Variants in EPHA3 observed in about 807,000 individuals in gnomAD.
EPHA3 encodes the protein EPH receptor A3, also known as ephrin type-A receptor 3.
EPHA3 carries 42 observed loss-of-function variants against 107.1 expected under a neutral mutation model. That is an observed-to-expected ratio of 0.39 (90% confidence interval 0.31 to 0.51). The LOEUF (loss-of-function observed/expected upper bound fraction) is 0.51. EPHA3 is among the 20% of genes least tolerant of loss of function. The pLI is 0.78. For synonymous variants in EPHA3, 461 were observed against 424.8 expected (o/e 1.09, Z -1.05); for missense variants, 1,183 against 1,211.2 (o/e 0.98, Z 0.35).
At chr3:89,184,530 C>T (rs1301690040) in intron 2 of EPHA3, among the ~76,000 whole-genome samples, 3 of 151,912 alleles carry the variant, frequency 2.0e-5, no homozygotes, top group South Asian at 2.1e-4. Context: ...TAGCAGTCAA[C>T]GAATTACTTT....
chr3:89,337,690 AAC>A (rs765913361), intron 3 of EPHA3, among the ~76,000 whole-genome samples: 20 of 152,180 alleles, frequency 1.3e-4, no homozygotes, highest in Non-Finnish European at 2.4e-4. Context: ...TCAGATGTAA[AAC>A]ACACATACAG....
At chr3:89,370,077 A>G (rs1389794454) in intron 5 of EPHA3, among the ~76,000 whole-genome samples, 3 of 150,758 alleles carry the variant, frequency 2.0e-5, no homozygotes, top group Non-Finnish European at 3.0e-5. Context: ...AACTAGTTCA[A>G]CCATTGTGGA....
At chr3:89,431,387 T>A in intron 13 of EPHA3, 28 bp downstream of exon 13, 1 of 1,582,430 alleles carries the variant, frequency 6.3e-7, no homozygotes, top group Non-Finnish European at 8.6e-7. Context: ...TCTCCTTTTT[T>A]ATCATTGTTT....
chr3:89,169,426 T>A (rs1263524278), intron 2 of EPHA3, among the ~76,000 whole-genome samples: 1 of 152,210 alleles, frequency 6.6e-6, no homozygotes, highest in African/African-American at 2.4e-5. Flanking sequence ...CATTCTCTGT[T>A]ACTTATAACC....
intron 5 of EPHA3, among the ~76,000 whole-genome samples, chr3:89,373,639 G>GTGAATGAGTCTCTCCCAGAGGGAACTCA (rs1443377437): frequency 3.3e-5 from 5 of 151,774 alleles, no homozygotes; most frequent in Non-Finnish European, 7.4e-5. Context: ...TCACCCTGCT[G>GTGAATGAGTCTCTCCCAGAGGGAACTCA]TGAATGAGTC....
At chr3:89,249,016 C>T (rs1350290162) in intron 3 of EPHA3, among the ~76,000 whole-genome samples, 3 of 152,188 alleles carry the variant, frequency 2.0e-5, no homozygotes, top group Non-Finnish European at 4.4e-5. Context: ...TATTTGCAAT[C>T]TCCTTTTCCC....
At chr3:89,395,313 C>T (rs576882726) in intron 5 of EPHA3, among the ~76,000 whole-genome samples, 21 of 152,146 alleles carry the variant, frequency 1.4e-4, no homozygotes, top group Non-Finnish European at 2.6e-4. Flanking sequence ...GTAATATGTC[C>T]TAAATCATAT....
At chr3:89,202,278 T>A (rs1705985625) in intron 2 of EPHA3, among the ~76,000 whole-genome samples, 1 of 151,870 alleles carries the variant, frequency 6.6e-6, no homozygotes. Context: ...GCGGATCACT[T>A]GACGCCAGGG....
At chr3:89,371,939 T>C (rs1423635772) in intron 5 of EPHA3, among the ~76,000 whole-genome samples, 2 of 151,442 alleles carry the variant, frequency 1.3e-5, no homozygotes, top group African/African-American at 4.8e-5. Flanking sequence ...AAACCAGTTG[T>C]TTCTGTAGGG....
chr3:89,269,495 C>G (rs1411757199), intron 3 of EPHA3, among the ~76,000 whole-genome samples: 1 of 151,934 alleles, frequency 6.6e-6, no homozygotes, highest in Non-Finnish European at 1.5e-5. Context: ...AGGCTGGTCT[C>G]AAACTCCTGG....
intron 2 of EPHA3, among the ~76,000 whole-genome samples, chr3:89,196,004 G>A (rs1463677483): frequency 2.0e-5 from 3 of 151,874 alleles, no homozygotes; most frequent in Admixed American, 1.3e-4. Context: ...CCCAGGATTG[G>A]GCTAAACTCT....
At chr3:89,260,898 G>C (rs973798930) in intron 3 of EPHA3, among the ~76,000 whole-genome samples, 3 of 152,164 alleles carry the variant, frequency 2.0e-5, no homozygotes, top group African/African-American at 7.2e-5. Flanking sequence ...GTCCTCCACA[G>C]CATTTCCACT....
intron 5 of EPHA3, among the ~76,000 whole-genome samples, chr3:89,387,647 T>G (rs1708647808): frequency 6.6e-6 from 1 of 150,412 alleles, no homozygotes; most frequent in Non-Finnish European, 1.5e-5. Context: ...TGTATGAAGA[T>G]TGCTCTAATT....
intron 3 of EPHA3, among the ~76,000 whole-genome samples, chr3:89,332,583 A>G (rs976592804): frequency 2.0e-5 from 3 of 152,234 alleles, no homozygotes; most frequent in Non-Finnish European, 2.9e-5. Flanking sequence ...GCCTCAACGC[A>G]TTGTACCTCT....
At position 89,466,436 on chromosome 3, in the gene EPHA3, G is replaced by T. The variant is rs540642749; in HGVS notation, c.2691-6028G>T. On this transcript the variant is annotated intron_variant, in intron 15 of 16. Coordinates refer to ENST00000336596, the MANE Select transcript of EPHA3 (RefSeq NM_005233.6). ...CGGGCGCCCCTCCCCCAGCCTCGTT[G>T]CCGCCTTGCAGTTTGATCTCAGACT... Among the ~76,000 whole-genome samples, 38 of 122,032 alleles carry T rather than the reference G, an allele frequency of 3.1e-4. 3 individuals carry two copies. The South Asian group carries it at 4.7e-3, about 15-fold the overall frequency. The allele number at this position is 122,032 out of a possible 152,430, so 80.1% of individuals were successfully genotyped here.
At chr3:89,459,282 T>C (rs1710165400) in intron 15 of EPHA3, among the ~76,000 whole-genome samples, 1 of 152,148 alleles carries the variant, frequency 6.6e-6, no homozygotes, top group African/African-American at 2.4e-5. Context: ...AGAGACCTAA[T>C]TATAAAATTG....
chr3:89,352,902 C>CAAAAAAAAAAAAAAAAAAAAAAA (rs1215369952), intron 5 of EPHA3, among the ~76,000 whole-genome samples: 3 of 41,004 alleles, frequency 7.3e-5, no homozygotes, highest in African/African-American at 2.9e-4. Flanking sequence ...GACTCTGTCT[C>CAAAAAAAAAAAAAAAAAAAAAAA]AAAAAAAAAA....
At chr3:89,154,801 A>G (rs1305944839) in intron 2 of EPHA3, among the ~76,000 whole-genome samples, 1 of 150,390 alleles carries the variant, frequency 6.6e-6, no homozygotes, top group Non-Finnish European at 1.5e-5. Context: ...GCAATTATCC[A>G]TATATTTCAT....
In EPHA3 at chr3:89,217,549, A is replaced by T. The variant is rs572605568; in HGVS notation, c.814+7029A>T. ...AATCGCAGATTCATTCTGTGAGAAG[A>T]GACCCCAGGGATTCCAAAGGCGAGT... On this transcript the variant is annotated intron_variant, in intron 3 of 16. Transcript: ENST00000336596. Among the ~76,000 whole-genome samples, 3 of 152,334 alleles carry T rather than the reference A, an allele frequency of 2.0e-5. No homozygotes were observed. In the East Asian group the frequency reaches 5.8e-4, roughly 29 times the overall value.
Sources: allele counts gnomAD v4.1 joint callset (sites outside exome capture counted in the v4.1 genomes callset), GRCh38; gene constraint gnomAD v4.1.1; transcripts MANE v1.5; gene names NCBI Gene and HGNC (gene_info 2026-07-23, HGNC 2026-07-21).